SLCO2B1: variants seen among roughly 807,000 people sequenced by gnomAD.
SLCO2B1 encodes the protein solute carrier organic anion transporter family member 2B1.
Under a neutral mutation model 67.3 loss-of-function variants are expected in SLCO2B1, and 41 were observed. The ratio of observed to expected loss-of-function variants is 0.61; its 90% CI spans 0.47 to 0.79. The LOEUF (loss-of-function observed/expected upper bound fraction) is 0.79, where lower values mean the gene tolerates loss of function less well. Ranked by LOEUF, SLCO2B1 falls within the 30% of genes least tolerant of loss-of-function variation. The pLI, the probability that SLCO2B1 is intolerant of heterozygous loss-of-function variation, is 0.00. For missense variants in SLCO2B1, 837 were observed against 920.1 expected, an observed-to-expected ratio of 0.91 and a Z score of 1.17; for synonymous variants, 379 against 381.4, an observed-to-expected ratio of 0.99 and a Z score of 0.07.
chr11:75,194,187 C>T (rs903427160), intron 9 of SLCO2B1, among the ~76,000 whole-genome samples: 2 of 152,360 alleles, frequency 1.3e-5, no homozygotes, highest in Middle Eastern at 3.4e-3. Flanking sequence ...TGAGGCAGCA[C>T]CTGCCTCTGC....
chr11:75,203,121 G>T, intron 12 of SLCO2B1, 156 bp downstream of exon 12: 1 of 1,128,470 alleles, frequency 8.9e-7, no homozygotes, highest in South Asian at 1.3e-5. Flanking sequence ...TCCTAGAGCG[G>T]GGTATAGAGG....
At chr11:75,155,761 T>C (rs1401853651) in intron 1 of SLCO2B1, among the ~76,000 whole-genome samples, 1 of 152,192 alleles carries the variant, frequency 6.6e-6, no homozygotes, top group East Asian at 1.9e-4. Context: ...AGGCCAGGCG[T>C]GAGCCAGGCC....
intron 10 of SLCO2B1, among the ~76,000 whole-genome samples, chr11:75,197,378 A>G (rs1945115408): frequency 6.6e-6 from 1 of 152,244 alleles, no homozygotes; most frequent in South Asian, 2.1e-4. Flanking sequence ...GAATGGGTAA[A>G]CTATTCATTT....
chr11:75,194,625 C>T (rs1475108757), intron 9 of SLCO2B1, among the ~76,000 whole-genome samples: 2 of 152,216 alleles, frequency 1.3e-5, no homozygotes, highest in South Asian at 4.2e-4. Context: ...TAGCCTGGGG[C>T]CTCCTGTGTG....
chr11:75,186,825 A>T (rs1274399973), intron 7 of SLCO2B1, among the ~76,000 whole-genome samples: 1 of 152,216 alleles, frequency 6.6e-6, no homozygotes, highest in African/African-American at 2.4e-5. Flanking sequence ...CGGTAATAGT[A>T]CCTGCCTCAC....
chr11:75,188,743 A>G (rs1249301074), intron 8 of SLCO2B1, among the ~76,000 whole-genome samples: 9 of 151,968 alleles, frequency 5.9e-5, no homozygotes, highest in Non-Finnish European at 1.3e-4. Context: ...AACCTTCCCT[A>G]TCCGTCTAGG....
chr11:75,162,450 A>G (rs1051310686), intron 1 of SLCO2B1, among the ~76,000 whole-genome samples: 3 of 152,192 alleles, frequency 2.0e-5, no homozygotes, highest in African/African-American at 7.2e-5. Flanking sequence ...GCACAGGGAT[A>G]CACACCCTTT....
intron 10 of SLCO2B1, among the ~76,000 whole-genome samples, chr11:75,197,686 A>G (rs1473834188): frequency 6.6e-6 from 1 of 152,298 alleles, no homozygotes; most frequent in Admixed American, 6.5e-5. Flanking sequence ...AGTACAGGAT[A>G]GGACACAGAA....
At chr11:75,162,955 C>T (rs1007125370) in intron 2 of SLCO2B1, 170 bp downstream of exon 2, 14 of 750,320 alleles carry the variant, frequency 1.9e-5, no homozygotes, top group South Asian at 5.8e-5. Flanking sequence ...AGCTGGGTTT[C>T]GGGCACATGG....
At position 75,183,206 on chromosome 11, in the gene SLCO2B1, A is replaced by G. The variant is rs1950109480; in HGVS notation, c.973-4930A>G. ...ATATCTAAAATATTCTTATTTTAAC[A>G]TATAATAGTAAAAAATTAATGATGA... On this transcript the variant is annotated intron_variant, in intron 7 of 13. Coordinates refer to ENST00000289575, the MANE Select transcript of SLCO2B1 (RefSeq NM_007256.5). Among the ~76,000 whole-genome samples the G allele has an allele frequency of 1.3e-5, 2 of 152,364 alleles. 1 individual carries two copies. Among genetic ancestry groups the G allele is most frequent in the South Asian group, 4.1e-4 (2 of 4,832 alleles).
At position 75,193,651 on chromosome 11, in the gene SLCO2B1, C is replaced by A; in HGVS notation, c.1433+76C>A. On this transcript the variant is annotated intron_variant, in intron 9 of 13. Coordinates refer to ENST00000289575, the MANE Select transcript of SLCO2B1 (RefSeq NM_007256.5). This position sits in a 1 kb window ranked among gnomAD's most constrained non-coding sequence, Gnocchi z 4.2. ...GAGGACAGGGGCCCTGGGCAGAGGC[C>A]AGGATGGCAGGGCAACCCCTGCCTC... 7.5e-7 allele frequency: 1 copy of A among 1,332,752 alleles called. No individual in the cohort carries two copies. Among genetic ancestry groups the A allele is most frequent in the Non-Finnish European group, 1.0e-6 (1 of 985,056 alleles). The allele number at this position is 1,332,752 out of a possible 1,614,324, so 82.6% of individuals were successfully genotyped here.
chr11:75,172,844 G>A (rs137872961), intron 7 of SLCO2B1, among the ~76,000 whole-genome samples: 11 of 151,966 alleles, frequency 7.2e-5, no homozygotes, highest in African/African-American at 2.4e-4. Context: ...CAGAAGAATC[G>A]CTTGAACCTG....
intron 7 of SLCO2B1, among the ~76,000 whole-genome samples, chr11:75,174,907 T>A (rs1014270034): frequency 6.6e-6 from 1 of 152,214 alleles, no homozygotes; most frequent in South Asian, 2.1e-4. Flanking sequence ...AGCAAGCCAC[T>A]TCCCCATTCT....
chr11:75,172,169 T>C (rs978270763), intron 6 of SLCO2B1, among the ~76,000 whole-genome samples: 3 of 152,212 alleles, frequency 2.0e-5, no homozygotes, highest in Admixed American at 6.5e-5. Context: ...TGCACTATAC[T>C]GCCTTGGTAG....
intron 7 of SLCO2B1, among the ~76,000 whole-genome samples, chr11:75,185,804 G>A (rs1944917246): frequency 6.6e-6 from 1 of 152,016 alleles, no homozygotes; most frequent in Non-Finnish European, 1.5e-5. Context: ...TTATATATAG[G>A]ATGAAAAAAG....
chr11:75,165,102 A>G (rs1202565057), intron 3 of SLCO2B1, among the ~76,000 whole-genome samples: 2 of 151,998 alleles, frequency 1.3e-5, no homozygotes, highest in Non-Finnish European at 2.9e-5. Flanking sequence ...CACCTCCTGA[A>G]CTCACATCCT....
chr11:75,170,136 G>A (rs1949941389), intron 6 of SLCO2B1: 1 of 222,422 alleles, frequency 4.5e-6, no homozygotes, highest in African/African-American at 2.3e-5. Context: ...TCTCTTGCCT[G>A]TAGGGAGCCC....
intron 8 of SLCO2B1, among the ~76,000 whole-genome samples, chr11:75,189,475 G>A (rs1042425150): frequency 1.3e-5 from 2 of 152,082 alleles, no homozygotes; most frequent in South Asian, 2.1e-4. Flanking sequence ...TTATATATAA[G>A]GTACAATTAT....
chr11:75,159,672 C>T (rs1364520926), intron 1 of SLCO2B1: 1 of 176,948 alleles, frequency 5.7e-6, no homozygotes, highest in Admixed American at 6.5e-5. Context: ...CATTCAGTGA[C>T]CAGCTGACCC....
Sources: gnomAD v4.1 joint callset for allele counts (sites outside exome capture counted in the v4.1 genomes callset) on GRCh38, gnomAD v4.1.1 for gene constraint, Gnocchi (gnomAD v3.1) non-coding constraint, MANE v1.5 for transcripts, NCBI Gene and HGNC (gene_info 2026-07-23, HGNC 2026-07-21) for gene names.